Variants in TTC7A observed in about 807,000 individuals in gnomAD.
The protein encoded by TTC7A is tetratricopeptide repeat domain 7A.
Under a neutral mutation model 103.7 loss-of-function variants are expected in TTC7A, and 110 were observed. The ratio of observed to expected loss-of-function variants is 1.06; its 90% CI spans 0.91 to 1.24. The LOEUF (loss-of-function observed/expected upper bound fraction) is 1.24. Among genes scored for constraint, TTC7A ranks in the 50% most tolerant of loss-of-function variants. TTC7A has a pLI of 0.00. For missense variants in TTC7A, 1,340 were observed against 1,116.3 expected (o/e 1.20, Z -2.86); for synonymous variants, 521 against 467.9 (o/e 1.11, Z -1.47).
chr2:46,994,874 C>A (rs905894815), intron 7 of TTC7A, among the ~76,000 whole-genome samples: 2 of 152,224 alleles, frequency 1.3e-5, no homozygotes, highest in African/African-American at 4.8e-5. Context: ...TTGCCCCAGC[C>A]ATTCCCTGCA....
chr2:46,933,188 G>A (rs1388473969), intron 2 of TTC7A, among the ~76,000 whole-genome samples: 1 of 152,064 alleles, frequency 6.6e-6, no homozygotes, highest in Non-Finnish European at 1.5e-5. Flanking sequence ...TGACATAGAA[G>A]CCACTAACAA....
At chr2:46,942,256 C>T (rs539155706) in intron 1 of TTC7A, among the ~76,000 whole-genome samples, 1 of 152,134 alleles carries the variant, frequency 6.6e-6, no homozygotes, top group Non-Finnish European at 1.5e-5. Context: ...CGGGACACAT[C>T]CAGCTCTAGC....
intron 15 of TTC7A, among the ~76,000 whole-genome samples, chr2:47,033,866 G>A (rs1052071158): frequency 2.6e-5 from 4 of 152,190 alleles, no homozygotes; most frequent in African/African-American, 9.6e-5. Flanking sequence ...TGGCAGCCGA[G>A]GCTGGGCCCT....
intron 19 of TTC7A, among the ~76,000 whole-genome samples, chr2:47,067,262 C>A (rs1000680522): frequency 2.0e-5 from 3 of 152,232 alleles, no homozygotes; most frequent in African/African-American, 7.2e-5. Flanking sequence ...CTTGTGACTT[C>A]AAGGAGCAGT....
chr2:46,916,815 A>G (rs1194735801), intron 1 of TTC7A, among the ~76,000 whole-genome samples: 3 of 151,310 alleles, frequency 2.0e-5, no homozygotes, highest in Non-Finnish European at 2.9e-5. Flanking sequence ...TTGTATTTTT[A>G]GTAGAGACGG....
At chr2:46,951,675 C>G (rs1221918874) in intron 2 of TTC7A, 1 of 456,248 alleles carries the variant, frequency 2.2e-6, no homozygotes, top group Non-Finnish European at 4.4e-6. Context: ...CCTCCCGAAG[C>G]GTTGGGATTA....
rs756857892 is a variant in TTC7A, at chr2:47,073,723, G to C, written c.2377G>C (p.Gly793Arg). Residue 793 changes from glycine (G) to arginine (R), a missense_variant, in exon 20 of 20, where the codon GGC becomes CGC. Gly to Arg is a moderately radical substitution (Grantham distance 125, BLOSUM62 -2). Transcript: ENST00000319190. ...ACAGGGTCTGATGCTGAGTCGGCTGGGCCACAAGAGCTTGGCCCAGAAGGT... is the reference window on the plus strand; with the variant it reads ...ACAGGGTCTGATGCTGAGTCGGCTGCGCCACAAGAGCTTGGCCCAGAAGGT... ...HSLGLMLSRL[G>R]HKSLAQKVLR... is the part of the protein sequence containing the mutation. 1 of 1,613,806 alleles carries C rather than the reference G, an allele frequency of 6.2e-7. No individual in the cohort carries two copies.
chr2:47,029,944 C>T (rs1680344536), intron 15 of TTC7A, among the ~76,000 whole-genome samples: 1 of 152,216 alleles, frequency 6.6e-6, no homozygotes. Flanking sequence ...CACAGAGGAC[C>T]TGCTGCCACC....
At chr2:47,047,222 G>A (rs1441900508) in intron 16 of TTC7A, 3 of 1,142,942 alleles carry the variant, frequency 2.6e-6, no homozygotes, top group African/African-American at 1.6e-5. Flanking sequence ...ATCTCCCTGA[G>A]GCCTCAGGGG....
At chr2:47,016,148 G>A (rs1227519550) in intron 11 of TTC7A, among the ~76,000 whole-genome samples, 2 of 152,208 alleles carry the variant, frequency 1.3e-5, no homozygotes, top group Non-Finnish European at 2.9e-5. Flanking sequence ...TCTGTGTAGG[G>A]ACCAAATTCG....
chr2:47,029,806 C>CAG (rs144627256), intron 15 of TTC7A, among the ~76,000 whole-genome samples: 3,280 of 152,318 alleles, frequency 0.022, 105 homozygotes, highest in African/African-American at 0.075. Flanking sequence ...CAGCTGGAGA[C>CAG]GGGTTATGGC....
At chr2:47,068,862 CAAAAAAAAAAA>C (rs201835431) in intron 19 of TTC7A, among the ~76,000 whole-genome samples, 152 of 69,800 alleles carry the variant, frequency 2.2e-3, no homozygotes, top group East Asian at 0.017. Flanking sequence ...TCAATTTTTT[CAAAAAAAAAAA>C]AAAAAAAAAA....
intron 11 of TTC7A, among the ~76,000 whole-genome samples, chr2:47,020,556 G>A (rs564107428): frequency 3.9e-5 from 6 of 152,296 alleles, no homozygotes; most frequent in South Asian, 4.1e-4. Context: ...CCACTGCCCC[G>A]GCTGGCAGCT....
At chr2:46,927,016 C>T (rs1669418818) in intron 2 of TTC7A, among the ~76,000 whole-genome samples, 1 of 151,294 alleles carries the variant, frequency 6.6e-6, no homozygotes, top group African/African-American at 2.4e-5. Context: ...AAGAGAGAAT[C>T]AGTAAATTGG....
chr2:47,003,642 C>G (rs1470756784), intron 8 of TTC7A, among the ~76,000 whole-genome samples: 1 of 152,214 alleles, frequency 6.6e-6, no homozygotes, highest in African/African-American at 2.4e-5. Flanking sequence ...CAAGCTTCTT[C>G]CCACCCCTGC....
At chr2:47,046,092 C>A (rs538259354) in intron 15 of TTC7A, among the ~76,000 whole-genome samples, 2 of 152,344 alleles carry the variant, frequency 1.3e-5, no homozygotes, top group African/African-American at 4.8e-5. Flanking sequence ...ACTGACAATG[C>A]TTCATGGAGT....
Position 46,950,361 on chromosome 2 carries a change from A to G in TTC7A, c.185-2A>G, listed in dbSNP as rs748972376. 6.2e-7 allele frequency: 1 copy of G among 1,613,872 alleles called. No homozygotes were observed. Among genetic ancestry groups the G allele is most frequent in the Non-Finnish European group, 8.5e-7 (1 of 1,179,994 alleles). ...TGCTCTGACCCCTACTTTGCTTTTCAGATGACTTTGGGAAATTGCTGCTGG... is the reference window on the plus strand; with the variant it reads ...TGCTCTGACCCCTACTTTGCTTTTCGGATGACTTTGGGAAATTGCTGCTGG... On this transcript the variant is annotated splice_acceptor_variant, in intron 1 of 19. Transcript: ENST00000319190. LOFTEE classifies it high-confidence loss of function.
intron 11 of TTC7A, among the ~76,000 whole-genome samples, chr2:47,011,820 G>A (rs759665039): frequency 1.3e-5 from 2 of 152,264 alleles, no homozygotes; most frequent in Non-Finnish European, 2.9e-5. Flanking sequence ...CCTGCAAGGC[G>A]CGATTCTGGG....
intron 19 of TTC7A, 68 bp downstream of exon 19, chr2:47,061,039 C>T: frequency 1.4e-6 from 2 of 1,450,324 alleles, no homozygotes; most frequent in Non-Finnish European, 1.9e-6. Flanking sequence ...CCCGCTTTGT[C>T]CCTCCTTGTC....
Sources: allele counts gnomAD v4.1 joint callset (sites outside exome capture counted in the v4.1 genomes callset), GRCh38; gene constraint gnomAD v4.1.1; transcripts MANE v1.5; gene names NCBI Gene and HGNC (gene_info 2026-07-23, HGNC 2026-07-21).